DMRT1: variants seen among roughly 807,000 people sequenced by gnomAD.
DMRT1 encodes doublesex and mab-3 related transcription factor 1, also known as doublesex- and mab-3-related transcription factor 1.
A neutral mutation model predicts 32.3 loss-of-function variants in DMRT1; 7 were observed. The observed-to-expected ratio is 0.22, with a 90% confidence interval of 0.12 to 0.41. The LOEUF is 0.41. Ranked by LOEUF, DMRT1 falls within the 10% of genes least tolerant of loss-of-function variation. DMRT1 has a pLI of 1.00. For missense variants in DMRT1, 625 were observed against 500.5 expected, an observed-to-expected ratio of 1.25 and a Z score of -2.37; for synonymous variants, 278 against 206.1, an observed-to-expected ratio of 1.35 and a Z score of -2.99.
chr9:886,438 T>A (rs1027554646), intron 2 of DMRT1, among the ~76,000 whole-genome samples: 1 of 152,124 alleles, frequency 6.6e-6, no homozygotes, highest in African/African-American at 2.4e-5. Flanking sequence ...TTTCTGTTTT[T>A]TGAGATGGGG....
At chr9:922,818 G>T (rs1227347806) in intron 4 of DMRT1, among the ~76,000 whole-genome samples, 1 of 152,162 alleles carries the variant, frequency 6.6e-6, no homozygotes. Flanking sequence ...AAGTGTTCAT[G>T]TATTACTCAT....
chr9:954,509 T>C (rs1304746455), intron 4 of DMRT1, among the ~76,000 whole-genome samples: 2 of 152,066 alleles, frequency 1.3e-5, no homozygotes, highest in Non-Finnish European at 2.9e-5. Context: ...GCTTCGAGTC[T>C]GAGCTGGCTA....
chr9:852,722 C>G (rs527636517), intron 2 of DMRT1, among the ~76,000 whole-genome samples: 9 of 152,222 alleles, frequency 5.9e-5, no homozygotes, highest in Non-Finnish European at 1.3e-4. Flanking sequence ...CATCCACACT[C>G]ACATTCACCC....
chr9:935,650 G>A (rs547322506), intron 4 of DMRT1, among the ~76,000 whole-genome samples: 1 of 152,328 alleles, frequency 6.6e-6, no homozygotes, highest in African/African-American at 2.4e-5. Flanking sequence ...AAGAGAGCCC[G>A]TATGTTCATT....
chr9:894,054 C>T lies in DMRT1; in HGVS notation c.681C>T (p.Asn227=), dbSNP rs1357499550. 10 of 1,614,278 alleles carry T rather than the reference C, an allele frequency of 6.2e-6. No individual in the cohort carries two copies. In the East Asian group the frequency reaches 2.0e-4, roughly 32 times the overall value. Residue 227 remains asparagine, a synonymous_variant, in exon 3 of 5, where the codon AAC becomes AAT. Transcript: ENST00000382276. ...TTCCTTATTACAACAATCTATACAA[C>T]TGCCCGCAGTACTCCATGGCCTTGG... ...SLFPYYNNLY[N]CPQYSMALAA...
chr9:863,368 T>C (rs147698672), intron 2 of DMRT1, among the ~76,000 whole-genome samples: 249 of 150,386 alleles, frequency 1.7e-3, no homozygotes, highest in Non-Finnish European at 2.7e-3. Flanking sequence ...GAACCTTTCC[T>C]GGCTGCAACT....
intron 2 of DMRT1, among the ~76,000 whole-genome samples, chr9:861,784 C>T (rs1489213536): frequency 1.3e-4 from 18 of 139,206 alleles, no homozygotes; most frequent in Non-Finnish European, 1.9e-4. Flanking sequence ...TCCCCACTTC[C>T]CAGACGGGGC....
Position 954,620 on chromosome 9 carries a change from TTG to T in DMRT1, c.968-13363_968-13362del, listed in dbSNP as rs1410782998. Among the ~76,000 whole-genome samples, 5 of 140,282 alleles carry T rather than the reference TTG, an allele frequency of 3.6e-5. No homozygotes were observed. In the Admixed American group the frequency reaches 4.6e-4, roughly 13 times the overall value. 92.0% of individuals were successfully genotyped at this position (140,282 alleles called of 152,430 possible). ...GGTTCAGTTTTTTTTGTTTGTTTTTTTGTTGTTGTTGTTTGGGCTTTATTTTA... is the reference window on the plus strand; with the variant it reads ...GGTTCAGTTTTTTTTGTTTGTTTTTTTTGTTGTTGTTTGGGCTTTATTTTA... On this transcript the variant is annotated intron_variant, in intron 4 of 4. Coordinates refer to ENST00000382276, the MANE Select transcript of DMRT1 (RefSeq NM_021951.3).
intron 2 of DMRT1, among the ~76,000 whole-genome samples, chr9:886,119 C>T (rs891143005): frequency 1.3e-5 from 2 of 152,150 alleles, no homozygotes; most frequent in African/African-American, 2.4e-5. Context: ...TTGTATTGGC[C>T]ATGCAGTTTT....
chr9:855,942 A>C (rs912209463), intron 2 of DMRT1, among the ~76,000 whole-genome samples: 1 of 151,636 alleles, frequency 6.6e-6, no homozygotes, highest in African/African-American at 2.4e-5. Flanking sequence ...TTTGAGATGA[A>C]GTCTTGCTCT....
chr9:872,267 T>G (rs967133586), intron 2 of DMRT1, among the ~76,000 whole-genome samples: 1 of 151,974 alleles, frequency 6.6e-6, no homozygotes. Context: ...TTCACCATGT[T>G]GGCCAGGCTG....
At chr9:904,836 C>T (rs7029783) in intron 3 of DMRT1, among the ~76,000 whole-genome samples, 14 of 151,336 alleles carry the variant, frequency 9.3e-5, no homozygotes, top group Admixed American at 2.6e-4. Flanking sequence ...CCCAGCTACT[C>T]GAGGCTGAGG....
At chr9:952,677 G>A (rs1819466591) in intron 4 of DMRT1, among the ~76,000 whole-genome samples, 1 of 152,204 alleles carries the variant, frequency 6.6e-6, no homozygotes, top group African/African-American at 2.4e-5. Flanking sequence ...TGCAGTGAGT[G>A]CTGGACTTCC....
intron 2 of DMRT1, among the ~76,000 whole-genome samples, chr9:854,183 C>A (rs12349154): frequency 0.024 from 3,578 of 151,856 alleles, 147 homozygotes; most frequent in African/African-American, 0.082. Context: ...GTGGCACAAT[C>A]ATAGCTCACC....
chr9:899,154 T>A (rs1036634020), intron 3 of DMRT1, among the ~76,000 whole-genome samples: 4 of 152,096 alleles, frequency 2.6e-5, no homozygotes, highest in African/African-American at 7.2e-5. Flanking sequence ...TCAAGAAAGA[T>A]TCAAATCTTT....
At chr9:869,800 C>T (rs1432917033) in intron 2 of DMRT1, among the ~76,000 whole-genome samples, 2 of 152,038 alleles carry the variant, frequency 1.3e-5, no homozygotes, top group Non-Finnish European at 2.9e-5. Context: ...AGTTAATAGT[C>T]TTTTCTCCTC....
chr9:871,962 C>G (rs1025556852), intron 2 of DMRT1, among the ~76,000 whole-genome samples: 2 of 151,498 alleles, frequency 1.3e-5, no homozygotes, highest in African/African-American at 4.9e-5. Context: ...TACCTATTTA[C>G]ATTTTTCTAT....
At chr9:954,350 C>T (rs567783680) in intron 4 of DMRT1, among the ~76,000 whole-genome samples, 31 of 151,784 alleles carry the variant, frequency 2.0e-4, no homozygotes, top group African/African-American at 7.5e-4. Context: ...AGAGAAGGCG[C>T]GAGGGGATGA....
intron 3 of DMRT1, among the ~76,000 whole-genome samples, chr9:911,470 ATTTTTTTTTTTTTTTTTTTTTTT>A (rs201141931): frequency 2.0e-3 from 136 of 66,998 alleles, no homozygotes; most frequent in African/African-American, 4.7e-3. Context: ...GGTTAATTGC[ATTTTTTTTTTTTTTTTTTTTTTT>A]TTTTTTTTTT....
Sources: allele counts gnomAD v4.1 joint callset (sites outside exome capture counted in the v4.1 genomes callset), GRCh38; gene constraint gnomAD v4.1.1; transcripts MANE v1.5; gene names NCBI Gene and HGNC (gene_info 2026-07-23, HGNC 2026-07-21).